Variants in RTP2 observed in about 807,000 individuals in gnomAD.
The protein encoded by RTP2 is receptor-transporting protein 2.
Under a neutral mutation model 17.9 loss-of-function variants are expected in RTP2, and 12 were observed. The ratio of observed to expected loss-of-function variants is 0.67; its 90% CI spans 0.43 to 1.09. The LOEUF (loss-of-function observed/expected upper bound fraction) is 1.09, where lower values mean the gene tolerates loss of function less well. Among genes scored for constraint, RTP2 ranks in the 50% least tolerant of loss-of-function variants. RTP2 has a pLI of 0.00. For missense variants in RTP2, 327 were observed against 295.7 expected, an observed-to-expected ratio of 1.11 and a Z score of -0.78; for synonymous variants, 126 against 117.7, an observed-to-expected ratio of 1.07 and a Z score of -0.46.
chr3:187,713,007 G>A, the RTP2 span, among the ~76,000 whole-genome samples: 1 of 152,180 alleles, frequency 6.6e-6, no homozygotes, highest in East Asian at 1.9e-4. Context: ...CTGTGGCAGG[G>A]CCCAGGACAG....
At chr3:187,708,359 T>C in the RTP2 span, among the ~76,000 whole-genome samples, 60 of 152,234 alleles carry the variant, frequency 3.9e-4, no homozygotes, top group Non-Finnish European at 7.8e-4. Flanking sequence ...GATGATAAAG[T>C]AGAAACTGCT....
rs748523990 is a variant in RTP2, at chr3:187,698,962, T to G, written c.214A>C (p.Ile72Leu). 1 of 1,606,074 alleles carries G rather than the reference T, an allele frequency of 6.2e-7. No individual in the cohort carries two copies. The highest frequency in any genetic ancestry group is 1.7e-5 in the Admixed American group (1 of 59,768). ...CGGTCCAGGAACATGTGGAAGAGGA[T>G]GACCACATGGGCAGACTGCCAGGTG... is the stretch of plus-strand genomic sequence containing the variant. Residue 72 changes from isoleucine to leucine, a missense_variant, in exon 2 of 2, where the codon ATC (isoleucine) becomes CTC (leucine). By Grantham distance (5) the Ile-to-Leu change is conservative (BLOSUM62 2). Transcript: ENST00000358241.
At chr3:187,698,803 G>A in exon 2 of RTP2, 1 of 1,613,530 alleles carries the variant, frequency 6.2e-7, no homozygotes, top group Non-Finnish European at 8.5e-7. Flanking sequence ...TGCTCGCGCA[G>A]GCTGGTGATG....
chr3:187,708,833 T>C, the RTP2 span, among the ~76,000 whole-genome samples: 4 of 152,186 alleles, frequency 2.6e-5, no homozygotes, highest in Non-Finnish European at 5.9e-5. Flanking sequence ...AAACTGGGAC[T>C]CAGAAAGGTT....
At chr3:187,707,496 C>G (rs1356888700), upstream of RTP2, among the ~76,000 whole-genome samples, 7 of 152,012 alleles carry the variant, frequency 4.6e-5, no homozygotes, top group African/African-American at 1.7e-4. Flanking sequence ...GGTGCTTTTC[C>G]CTAAGGAGGG....
chr3:187,715,321 G>T, the RTP2 span, among the ~76,000 whole-genome samples: 1 of 152,124 alleles, frequency 6.6e-6, no homozygotes, highest in Non-Finnish European at 1.5e-5. Context: ...CCCAAAGCCC[G>T]TTCCATCTTT....
intron 1 of RTP2, among the ~76,000 whole-genome samples, chr3:187,699,785 A>AGGCCACTTGGCG (rs1717799401): frequency 8.5e-5 from 1 of 11,710 alleles, no homozygotes. Flanking sequence ...ACACACACAT[A>AGGCCACTTGGCG]TATTTTCTCT....
At chr3:187,715,523 C>T in the RTP2 span, 23 of 344,090 alleles carry the variant, frequency 6.7e-5, no homozygotes, top group Middle Eastern at 3.9e-4. Context: ...GTATTATTTC[C>T]GAGGAACTAA....
exon 2 of RTP2, chr3:187,698,559 G>T (rs760749509): frequency 6.2e-7 from 1 of 1,614,034 alleles, no homozygotes; most frequent in African/African-American, 1.3e-5. Context: ...GCAGAGAGAG[G>T]CCCAGAAGAG....
At chr3:187,704,340 A>C (rs1308322628), upstream of RTP2, among the ~76,000 whole-genome samples, 2 of 152,216 alleles carry the variant, frequency 1.3e-5, no homozygotes, top group Non-Finnish European at 2.9e-5. Context: ...TGTGGAGCTT[A>C]AAATGACAAA....
At chr3:187,701,269 T>C (rs1201686253) in intron 1 of RTP2, among the ~76,000 whole-genome samples, 3 of 152,214 alleles carry the variant, frequency 2.0e-5, no homozygotes, top group African/African-American at 7.2e-5. Flanking sequence ...CTCTTTGCCC[T>C]GTGGTAGATG....
At chr3:187,711,380 A>G in the RTP2 span, among the ~76,000 whole-genome samples, 1 of 152,190 alleles carries the variant, frequency 6.6e-6, no homozygotes, top group African/African-American at 2.4e-5. Flanking sequence ...CCATTAGGGA[A>G]CCCACTGCTC....
At chr3:187,702,337 G>C (rs1330986356) in exon 1 of RTP2, 1 of 586,402 alleles carries the variant, frequency 1.7e-6, no homozygotes, top group Non-Finnish European at 3.0e-6. Flanking sequence ...TGGGGAGAAG[G>C]GAAGCCCCAA....
intron 1 of RTP2, among the ~76,000 whole-genome samples, chr3:187,700,824 G>A (rs1717826104): frequency 6.6e-6 from 1 of 152,184 alleles, no homozygotes; most frequent in South Asian, 2.1e-4. Context: ...GCACATAACA[G>A]GTACCCAATA....
At chr3:187,708,781 G>A in the RTP2 span, among the ~76,000 whole-genome samples, 1 of 152,154 alleles carries the variant, frequency 6.6e-6, no homozygotes, top group African/African-American at 2.4e-5. Flanking sequence ...AGAACCCTAT[G>A]AGGTGGATAC....
At chr3:187,713,706 C>T in the RTP2 span, among the ~76,000 whole-genome samples, 1 of 151,940 alleles carries the variant, frequency 6.6e-6, no homozygotes, top group African/African-American at 2.4e-5. Flanking sequence ...GGCCTACAAT[C>T]AGTCTGATTG....
At position 187,701,973 on chromosome 3, in the gene RTP2, G is replaced by A. The variant is rs764392777; in HGVS notation, c.156C>T (p.Ala52=). 1.9e-6 allele frequency: 3 copies of A among 1,597,232 alleles called. No individual in the cohort carries two copies. The East Asian group carries it at 6.8e-5, about 36-fold the overall frequency. ...CCCACTGAACCTCTCACCTGCCTGA[G>A]GCGTGCTGCTCCAGGTACTGCTTCC... Residue 52 remains alanine, a synonymous_variant, in exon 1 of 2, where the codon GCC becomes GCT. Coordinates refer to ENST00000358241, the Ensembl canonical transcript of RTP2.
chr3:187,704,482 T>C (rs557944413), upstream of RTP2, among the ~76,000 whole-genome samples: 28 of 152,320 alleles, frequency 1.8e-4, no homozygotes, highest in South Asian at 5.8e-3. Flanking sequence ...ACTCCAGTCC[T>C]GGGAAGAATC....
At chr3:187,711,080 T>A in the RTP2 span, among the ~76,000 whole-genome samples, 28 of 152,310 alleles carry the variant, frequency 1.8e-4, 2 homozygotes, top group Admixed American at 1.1e-3. Context: ...TTCTGCTGTT[T>A]CTATGCATCT....
Sources: allele counts gnomAD v4.1 joint callset (sites outside exome capture counted in the v4.1 genomes callset), GRCh38; gene constraint gnomAD v4.1.1; transcripts MANE v1.5; gene names NCBI Gene and HGNC (gene_info 2026-07-23, HGNC 2026-07-21).